CFAP77: variants seen among roughly 807,000 people sequenced by gnomAD.
CFAP77 encodes the protein cilia and flagella associated protein 77.
Under a neutral mutation model 31.1 loss-of-function variants are expected in CFAP77, and 25 were observed. The ratio of observed to expected loss-of-function variants is 0.80; its 90% CI spans 0.59 to 1.12. The LOEUF (loss-of-function observed/expected upper bound fraction) is 1.12, where lower values mean the gene tolerates loss of function less well. CFAP77 is among the 50% of genes most tolerant of loss of function. CFAP77 has a pLI of 0.00. For synonymous variants in CFAP77, 151 were observed against 159.9 expected (o/e 0.94, Z 0.42); for missense variants, 377 against 397.3 (o/e 0.95, Z 0.44).
chr9:132,532,411 T>A (rs1230890408), intron 3 of CFAP77, among the ~76,000 whole-genome samples: 2 of 152,200 alleles, frequency 1.3e-5, no homozygotes, highest in African/African-American at 4.8e-5. Flanking sequence ...GGGTGAGGCC[T>A]GGGGCGGAAG....
intron 3 of CFAP77, among the ~76,000 whole-genome samples, chr9:132,500,964 C>T (rs1436038439): frequency 6.6e-6 from 1 of 152,256 alleles, no homozygotes; most frequent in Non-Finnish European, 1.5e-5. Context: ...CAGCTAACTG[C>T]TCTCTCTTCT....
intron 3 of CFAP77, among the ~76,000 whole-genome samples, chr9:132,535,675 G>A (rs553858369): frequency 6.6e-5 from 10 of 151,950 alleles, no homozygotes; most frequent in Non-Finnish European, 1.5e-4. Flanking sequence ...TTGCATCACT[G>A]CACTCCAGAC....
chr9:132,508,747 C>G (rs1273401902), intron 3 of CFAP77, among the ~76,000 whole-genome samples: 1 of 152,160 alleles, frequency 6.6e-6, no homozygotes, highest in Non-Finnish European at 1.5e-5. Context: ...CCGCTGCGTC[C>G]AACACTGAGC....
intron 3 of CFAP77, among the ~76,000 whole-genome samples, chr9:132,535,575 T>G (rs1008934981): frequency 7.2e-5 from 11 of 152,184 alleles, no homozygotes; most frequent in African/African-American, 2.6e-4. Flanking sequence ...TAGCTGGGTG[T>G]GGTGGCTGGT....
chr9:132,477,192 GGCGATTA>G (rs747452302), intron 1 of CFAP77, among the ~76,000 whole-genome samples: 3 of 152,218 alleles, frequency 2.0e-5, no homozygotes, highest in African/African-American at 2.4e-5. Flanking sequence ...CTCTGCCTCT[GGCGATTA>G]GCAAGGTGAC....
chr9:132,560,563 A>G (rs1852978664), intron 5 of CFAP77, among the ~76,000 whole-genome samples: 1 of 152,166 alleles, frequency 6.6e-6, no homozygotes, highest in Non-Finnish European at 1.5e-5. Flanking sequence ...TTCTCGAAGG[A>G]GCAAATCGAT....
At position 132,554,265 on chromosome 9, in the gene CFAP77, G is replaced by A. The variant is rs139172474; in HGVS notation, c.732+11218G>A. Among the ~76,000 whole-genome samples, 2,225 of 152,224 alleles carry A rather than the reference G, an allele frequency of 0.015. 28 individuals carry two copies. The highest frequency in any genetic ancestry group is 0.024 in the Middle Eastern group (7 of 294). On this transcript the variant is annotated intron_variant, in intron 5 of 5. Transcript: ENST00000393216. The surrounding 1 kb of genome is among the most constrained non-coding windows in gnomAD (Gnocchi z 4.1). ...CTTCATGTGGCAGAAATTGAGCAAG[G>A]GTTAGAATCTGTTTAAACCAGGGGC...
At chr9:132,459,221 G>A (rs1046923268) in intron 1 of CFAP77, among the ~76,000 whole-genome samples, 6 of 151,966 alleles carry the variant, frequency 3.9e-5, no homozygotes, top group East Asian at 1.9e-4. Flanking sequence ...ACAGGCGCCC[G>A]CCACCACGCC....
chr9:132,518,537 A>G (rs899930401), intron 3 of CFAP77, among the ~76,000 whole-genome samples: 3 of 152,136 alleles, frequency 2.0e-5, no homozygotes, highest in Non-Finnish European at 4.4e-5. Flanking sequence ...AGGAGTCTCC[A>G]TCCTCCCTTC....
chr9:132,439,929 C>T (rs896979391), intron 1 of CFAP77, among the ~76,000 whole-genome samples: 4 of 151,598 alleles, frequency 2.6e-5, no homozygotes, highest in South Asian at 2.1e-4. Context: ...TCCTATGGTG[C>T]GGTGATGTAG....
rs138360145 is a variant in CFAP77, at chr9:132,552,974, G to A, written c.732+9927G>A. Among the ~76,000 whole-genome samples the A allele has an allele frequency of 1.5e-3, 226 of 152,296 alleles. 1 individual carries two copies. Among genetic ancestry groups the A allele is most frequent in the Middle Eastern group, 6.8e-3 (2 of 294 alleles). On this transcript the variant is annotated intron_variant, in intron 5 of 5. Transcript: ENST00000393216. The surrounding 1 kb of genome is among the most constrained non-coding windows in gnomAD (Gnocchi z 5.5). ...ACAGCCCTAAGGCTTATGAACTTCT[G>A]TCTTAGTCAGGCTGCTCTAACAAAA... is the stretch of plus-strand genomic sequence containing the variant.
At position 132,530,852 on chromosome 9, in the gene CFAP77, A is replaced by G. The variant is rs374836808; in HGVS notation, c.525-6749A>G. Among the ~76,000 whole-genome samples, 22 of 152,314 alleles carry G rather than the reference A, an allele frequency of 1.4e-4. No homozygotes were observed. The East Asian group carries it at 4.2e-3, about 29-fold the overall frequency. ...TCTAAGAAACTCTTTACGTAGCCTT[A>G]GATCCCAAACATTTTCTCCTATGTT... On this transcript the variant is annotated intron_variant, in intron 3 of 5. Coordinates refer to ENST00000393216, the MANE Select transcript of CFAP77 (RefSeq NM_001282957.2).
chr9:132,554,920 GCATGCATCCATCCATCCACC>G lies in CFAP77; in HGVS notation c.732+11877_732+11896del, dbSNP rs1463602423. On this transcript the variant is annotated intron_variant, in intron 5 of 5. Transcript: ENST00000393216. This position sits in a 1 kb window ranked among gnomAD's most constrained non-coding sequence, Gnocchi z 4.1. Reference sequence around the variant, plus strand: ...TCTATCCATCCATCTATGCATGCATGCATGCATCCATCCATCCACCCATCCATCCATCCATCCATCCATCC... The same window carrying G: ...TCTATCCATCCATCTATGCATGCATGCATCCATCCATCCATCCATCCATCC... 1.4e-5 allele frequency among the ~76,000 whole-genome samples: 2 copies of G among 143,516 alleles called. No homozygotes were observed. The highest frequency in any genetic ancestry group is 5.5e-5 in the African/African-American group (2 of 36,286). The allele number at this position is 143,516 out of a possible 152,430, so 94.2% of individuals were successfully genotyped here.
rs556632091 is a variant in CFAP77, at chr9:132,537,226, C to G, written c.525-375C>G. Among the ~76,000 whole-genome samples, 23 of 152,160 alleles carry G rather than the reference C, an allele frequency of 1.5e-4. No homozygotes were observed. In the South Asian group the frequency reaches 4.4e-3, roughly 29 times the overall value. ...AGATATCAGGGGTGCAGGTGAGGAA[C>G]TTAATCAGCTGTCAAGGGTAATCAG... On this transcript the variant is annotated intron_variant, in intron 3 of 5. Transcript: ENST00000393216.
intron 3 of CFAP77, among the ~76,000 whole-genome samples, chr9:132,526,433 C>T (rs1195228260): frequency 2.0e-5 from 3 of 151,718 alleles, no homozygotes; most frequent in Non-Finnish European, 2.9e-5. Flanking sequence ...GGGGTTTCAC[C>T]GTGTTAGCCA....
rs1397858004 is a variant in CFAP77, at chr9:132,545,937, C to A, written c.732+2890C>A. ...TCACCACCAAGGGATCCTTTCTTCC[C>A]CTTCACGGCACTTAACTCTGCAATT... On this transcript the variant is annotated intron_variant, in intron 5 of 5. Transcript: ENST00000393216. This position sits in a 1 kb window ranked among gnomAD's most constrained non-coding sequence, Gnocchi z 4.6. Among the ~76,000 whole-genome samples, 3 of 152,154 alleles carry A rather than the reference C, an allele frequency of 2.0e-5. No individual in the cohort carries two copies. The highest frequency in any genetic ancestry group is 4.4e-5 in the Non-Finnish European group (3 of 68,030).
intron 1 of CFAP77, among the ~76,000 whole-genome samples, chr9:132,452,974 T>G (rs914020536): frequency 3.3e-5 from 5 of 152,202 alleles, no homozygotes; most frequent in African/African-American, 1.2e-4. Context: ...TGGCAATAAA[T>G]TCTGCCATTG....
chr9:132,519,847 G>GAT (rs1284358223), intron 3 of CFAP77, among the ~76,000 whole-genome samples: 27 of 144,960 alleles, frequency 1.9e-4, no homozygotes, highest in Non-Finnish European at 3.0e-4. Context: ...TGGATGGATG[G>GAT]GTGGGTGGGT....
chr9:132,468,797 A>ACACG (rs1554740247), intron 1 of CFAP77, among the ~76,000 whole-genome samples: 1 of 146,548 alleles, frequency 6.8e-6, no homozygotes, highest in African/African-American at 2.7e-5. Flanking sequence ...ACACGCACAC[A>ACACG]CACACACACA....
Sources: gnomAD v4.1 joint callset for allele counts (sites outside exome capture counted in the v4.1 genomes callset) on GRCh38, gnomAD v4.1.1 for gene constraint, Gnocchi (gnomAD v3.1) non-coding constraint, MANE v1.5 for transcripts, NCBI Gene and HGNC (gene_info 2026-07-23, HGNC 2026-07-21) for gene names.